GTF3C5: variants seen among roughly 807,000 people sequenced by gnomAD.
GTF3C5 encodes general transcription factor 3C polypeptide 5.
A neutral mutation model predicts 61.0 loss-of-function variants in GTF3C5; 47 were observed. The ratio of observed to expected loss-of-function variants is 0.77; its 90% CI spans 0.61 to 0.98. The LOEUF (loss-of-function observed/expected upper bound fraction) is 0.98, where lower values mean the gene tolerates loss of function less well. Ranked by LOEUF, GTF3C5 falls within the 50% of genes least tolerant of loss-of-function variation. The probability of loss-of-function intolerance (pLI) is 0.00; values close to 1 mark genes in which losing one functional copy is unlikely to be tolerated. For synonymous variants in GTF3C5, 295 were observed against 275.4 expected (o/e 1.07, Z -0.71); for missense variants, 659 against 703.3 (o/e 0.94, Z 0.71).
intron 8 of GTF3C5, 186 bp from the exon 9 acceptor site, chr9:133,055,826 C>T: frequency 7.1e-7 from 1 of 1,407,738 alleles, no homozygotes; most frequent in Non-Finnish European, 9.3e-7. Flanking sequence ...CCCAGAGCCT[C>T]CTGGGGAGTT....
intron 9 of GTF3C5, 28 bp from the exon 10 acceptor site, chr9:133,056,738 T>A (rs778286096): frequency 1.9e-6 from 3 of 1,563,930 alleles, no homozygotes; most frequent in Non-Finnish European, 2.6e-6. Context: ...CCTGGGACTT[T>A]ATGTCCCAAC....
chr9:133,040,286 C>A (rs981247397), intron 1 of GTF3C5, among the ~76,000 whole-genome samples: 1 of 152,208 alleles, frequency 6.6e-6, no homozygotes, highest in African/African-American at 2.4e-5. Flanking sequence ...AGTTCCTGAT[C>A]ACTTCCTAAG....
chr9:133,036,788 C>T (rs557095095), intron 1 of GTF3C5, among the ~76,000 whole-genome samples: 4 of 152,216 alleles, frequency 2.6e-5, no homozygotes, highest in South Asian at 2.1e-4. Flanking sequence ...GTTACGAGTT[C>T]CTGCTTAGTT....
chr9:133,034,093 G>A lies in GTF3C5; in HGVS notation c.153+2929G>A, dbSNP rs187167254. Among the ~76,000 whole-genome samples the A allele has an allele frequency of 2.4e-4, 36 of 152,248 alleles. No individual in the cohort carries two copies. In the East Asian group the frequency reaches 2.7e-3, roughly 11 times the overall value. On this transcript the variant is annotated intron_variant, in intron 1 of 10. Coordinates refer to ENST00000372097, the MANE Select transcript of GTF3C5 (RefSeq NM_012087.4). The stretch of plus-strand genomic sequence containing the variant: ...TACCGTCCGAATACAGAGGGTTCTT[G>A]GGCCATTGTTTGGGGATTATCTATA...
At chr9:133,049,806 G>A (rs762458277) in intron 3 of GTF3C5, among the ~76,000 whole-genome samples, 1 of 152,110 alleles carries the variant, frequency 6.6e-6, no homozygotes, top group African/African-American at 2.4e-5. Context: ...AGCAATTTTA[G>A]AATCACAGCA....
intron 8 of GTF3C5, chr9:133,055,685 A>C (rs2119037015): frequency 1.0e-6 from 1 of 985,446 alleles, no homozygotes; most frequent in Middle Eastern, 5.2e-4. Flanking sequence ...GTCAGAGTGC[A>C]GGAGGGCACA....
rs7852868 is a variant in GTF3C5 at position 133,055,564 on chromosome 9, G to A, written c.1168-448G>A. 5,705 of 985,430 alleles carry A rather than the reference G, an allele frequency of 5.8e-3. 230 individuals are homozygous for A. The African/African-American group carries it at 0.084, about 15-fold the overall frequency. 61.0% of individuals were successfully genotyped at this position (985,430 alleles called of 1,614,324 possible). ...ACTCTAGAACTACATGGCTGGGTAC[G>A]GAAAGGAGAGAGCAAACACTCACTA... On this transcript the variant is annotated intron_variant, in intron 8 of 10. Coordinates refer to ENST00000372097, the MANE Select transcript of GTF3C5 (RefSeq NM_012087.4).
rs750427034 is a variant in GTF3C5 at position 133,050,966 on chromosome 9, G to A, written c.756G>A (p.Glu252=). 16 of 1,607,834 alleles carry A rather than the reference G, an allele frequency of 1.0e-5. No individual in the cohort carries two copies. In the Admixed American group the frequency reaches 1.4e-4, roughly 14 times the overall value. The change falls in exon 4 of 11, where the codon GAG becomes GAA. Residue 252 remains glutamate, a synonymous_variant. Coordinates refer to ENST00000372097, the MANE Select transcript of GTF3C5 (RefSeq NM_012087.4). The part of the protein sequence containing the change: ...CTNPVDRKVE[E]ELRKLFDIRP... ...ACCCCGTGGACCGGAAGGTGGAGGA[G>A]GAGCTGAGGAAGGCAAGTCCTGCGC...
chr9:133,055,716 G>A (rs1202808657), intron 8 of GTF3C5: 2 of 1,281,552 alleles, frequency 1.6e-6, no homozygotes, highest in South Asian at 1.7e-5. Flanking sequence ...CCCGGCACAA[G>A]GCTAGTGCCA....
In GTF3C5 at chr9:133,053,953, C is replaced by G; in HGVS notation, c.988+11C>G. The G allele has an allele frequency of 6.6e-7, 1 of 1,523,920 alleles. No individual in the cohort carries two copies. The highest frequency in any genetic ancestry group is 9.1e-7 in the Non-Finnish European group (1 of 1,099,878). The allele number at this position is 1,523,920 out of a possible 1,614,324, so 94.4% of individuals were successfully genotyped here. A position where few individuals can be genotyped will look rare whatever the true frequency, so the allele number is the denominator to read the frequency against. On this transcript the variant is annotated intron_variant, in intron 6 of 10. Transcript: ENST00000372097. The stretch of plus-strand genomic sequence containing the variant: ...GTGGAATGAAACACGGTAAAAATTC[C>G]TGAAAGCTTTGCTTCCTGCCTTTCT...
chr9:133,053,149 T>A (rs927446789), intron 5 of GTF3C5, among the ~76,000 whole-genome samples: 1 of 152,210 alleles, frequency 6.6e-6, no homozygotes, highest in Non-Finnish European at 1.5e-5. Flanking sequence ...TGGCATTGGC[T>A]TTTTAGACAT....
rs1850108613 is a variant in GTF3C5 at position 133,043,743 on chromosome 9, A to G, written c.389A>G (p.Gln130Arg). The G allele has an allele frequency of 6.2e-7, 1 of 1,614,062 alleles. No individual in the cohort carries two copies. The highest frequency in any genetic ancestry group is 8.5e-7 in the Non-Finnish European group (1 of 1,179,940). The stretch of plus-strand genomic sequence containing the variant: ...CTCTTTCTAGGGATGTCTGACTTCC[A>G]GTACTTGGCTGTGCATACGGAAGCA... ...IYKFQGMSDF[Q>R]YLAVHTEAGG... is the part of the protein sequence containing the mutation. Residue 130 changes from glutamine (Q) to arginine (R), a missense_variant, in exon 3 of 11, where the codon CAG (glutamine) becomes CGG (arginine). By Grantham distance (43) the Gln-to-Arg change is conservative (BLOSUM62 1). Coordinates refer to ENST00000372097, the MANE Select transcript of GTF3C5 (RefSeq NM_012087.4).
chr9:133,041,223 G>A (rs1273820690), intron 1 of GTF3C5, among the ~76,000 whole-genome samples: 1 of 152,178 alleles, frequency 6.6e-6, no homozygotes, highest in Non-Finnish European at 1.5e-5. Context: ...CTTTCCCTGG[G>A]GGAGTTTGGA....
chr9:133,053,170 A>G (rs1327238545), intron 5 of GTF3C5, among the ~76,000 whole-genome samples: 1 of 152,148 alleles, frequency 6.6e-6, no homozygotes, highest in Non-Finnish European at 1.5e-5. Context: ...AAGCCATTCA[A>G]AAGCTCCGTT....
chr9:133,049,462 T>G (rs776344634), intron 3 of GTF3C5, among the ~76,000 whole-genome samples: 12 of 152,266 alleles, frequency 7.9e-5, no homozygotes, highest in Non-Finnish European at 1.3e-4. Context: ...TATGTACTCA[T>G]GTAGAAAACT....
intron 3 of GTF3C5, among the ~76,000 whole-genome samples, chr9:133,048,563 G>C (rs1850274868): frequency 2.6e-5 from 4 of 152,212 alleles, no homozygotes; most frequent in Non-Finnish European, 1.5e-5. Context: ...CAGCTACTTG[G>C]GGGGCTGAGG....
In GTF3C5 at chr9:133,053,813, A is replaced by C. The variant is rs7863758; in HGVS notation, c.874-15A>C. ...CTTCACCTCACCTCACATTTTCCCC[A>C]CTTTTCTGTCCCAGATAACAGGCCC... On this transcript the variant is annotated splice_polypyrimidine_tract_variant and intron_variant, in intron 5 of 10. Coordinates refer to ENST00000372097, the MANE Select transcript of GTF3C5 (RefSeq NM_012087.4). 70,350 of 1,560,914 alleles carry C rather than the reference A, an allele frequency of 0.045. 3,122 individuals carry two copies. Among genetic ancestry groups the C allele is most frequent in the African/African-American group, 0.22 (16,098 of 73,166 alleles).
At chr9:133,037,303 A>AAT (rs1849890041) in intron 1 of GTF3C5, among the ~76,000 whole-genome samples, 1 of 152,166 alleles carries the variant, frequency 6.6e-6, no homozygotes, top group Non-Finnish European at 1.5e-5. Flanking sequence ...AGTAGTCTGG[A>AAT]ATATCTGGCT....
Position 133,054,625 on chromosome 9 carries a change from G to C in GTF3C5, c.1070-87G>C, listed in dbSNP as rs911409643. ...TCATTCCTCCCCTAGGAGGGGGTGG[G>C]CTGGCAGGAGGGCAGGGCATGGTGG... is the stretch of plus-strand genomic sequence containing the variant. On this transcript the variant is annotated intron_variant, in intron 7 of 10. Coordinates refer to ENST00000372097, the MANE Select transcript of GTF3C5 (RefSeq NM_012087.4). 142 of 1,419,264 alleles carry C rather than the reference G, an allele frequency of 1.0e-4. 1 individual carries two copies. The African/African-American group carries it at 1.8e-3, about 18-fold the overall frequency. The allele number at this position is 1,419,264 out of a possible 1,614,324, so 87.9% of individuals were successfully genotyped here. A position where few individuals can be genotyped will look rare whatever the true frequency, so the allele number is the denominator to read the frequency against.
Sources: gnomAD v4.1 joint callset for allele counts (sites outside exome capture counted in the v4.1 genomes callset) on GRCh38, gnomAD v4.1.1 for gene constraint, MANE v1.5 for transcripts, NCBI Gene and HGNC (gene_info 2026-07-23, HGNC 2026-07-21) for gene names.